Variants in RALGAPA2 observed in about 807,000 individuals in gnomAD.
RALGAPA2 encodes the protein Ral GTPase activating protein catalytic subunit alpha 2.
In RALGAPA2, 139 loss-of-function variants were observed where a neutral mutation model predicts 230.4. The ratio of observed to expected loss-of-function variants is 0.60; its 90% CI spans 0.53 to 0.69. RALGAPA2 has a LOEUF of 0.69. Among genes scored for constraint, RALGAPA2 ranks in the 30% least tolerant of loss-of-function variants. The pLI is 0.00. For synonymous variants in RALGAPA2, 847 were observed against 837.8 expected, an observed-to-expected ratio of 1.01 and a Z score of -0.19; for missense variants, 2,163 against 2,276.0, an observed-to-expected ratio of 0.95 and a Z score of 1.01.
chr20:20,676,364 G>T, intron 2 of RALGAPA2, 76 bp from the exon 3 acceptor site: 1 of 960,416 alleles, frequency 1.0e-6, no homozygotes, highest in Non-Finnish European at 1.6e-6. Context: ...CTAAAAGGCA[G>T]CTTAAAACTA....
chr20:20,502,318 T>A (rs1016278167), intron 35 of RALGAPA2, among the ~76,000 whole-genome samples: 2 of 151,998 alleles, frequency 1.3e-5, no homozygotes, highest in Non-Finnish European at 2.9e-5. Context: ...GTGAGGCCAA[T>A]CGGCCAATAT....
At chr20:20,489,943 G>A (rs992865073) in intron 36 of RALGAPA2, among the ~76,000 whole-genome samples, 1 of 152,216 alleles carries the variant, frequency 6.6e-6, no homozygotes, top group African/African-American at 2.4e-5. Flanking sequence ...CCAAAGGAGA[G>A]AAGATAAAGC....
chr20:20,555,255 A>G (rs955749741), intron 23 of RALGAPA2, among the ~76,000 whole-genome samples: 1 of 152,028 alleles, frequency 6.6e-6, no homozygotes, highest in African/African-American at 2.4e-5. Flanking sequence ...TTACTTCTAG[A>G]CTCTTAATTC....
intron 1 of RALGAPA2, among the ~76,000 whole-genome samples, chr20:20,706,321 T>C (rs1426873619): frequency 2.0e-5 from 3 of 152,174 alleles, no homozygotes; most frequent in South Asian, 4.1e-4. Context: ...ATTTACATTC[T>C]AGAGGTTATA....
At chr20:20,424,941 GA>G (rs973440017) in intron 37 of RALGAPA2, among the ~76,000 whole-genome samples, 19 of 152,010 alleles carry the variant, frequency 1.2e-4, no homozygotes, top group African/African-American at 4.6e-4. Context: ...GACTCTAAGA[GA>G]AAAAAATATT....
At chr20:20,561,611 T>C (rs1431518802) in intron 23 of RALGAPA2, among the ~76,000 whole-genome samples, 2 of 152,214 alleles carry the variant, frequency 1.3e-5, no homozygotes, top group African/African-American at 2.4e-5. Context: ...TACCCCCTTT[T>C]TGAAAACTCA....
In RALGAPA2 at chr20:20,526,127, G is replaced by A. The variant is rs569921542; in HGVS notation, c.3693+125C>T. ...AACCAGTCTAACTTAATCTTAAAACGAGTGACTTGTGGCAATTTAATAGTT... is the reference window on the plus strand; with the variant it reads ...AACCAGTCTAACTTAATCTTAAAACAAGTGACTTGTGGCAATTTAATAGTT... On this transcript the variant is annotated intron_variant, in intron 28 of 39. Coordinates refer to ENST00000202677, the MANE Select transcript of RALGAPA2 (RefSeq NM_020343.4). 110 of 758,382 alleles carry A rather than the reference G, an allele frequency of 1.5e-4. No homozygotes were observed. In the African/African-American group the frequency reaches 1.7e-3, roughly 12 times the overall value. The allele number at this position is 758,382 out of a possible 1,614,324, so 47.0% of individuals were successfully genotyped here. A position where few individuals can be genotyped will look rare whatever the true frequency, so the allele number is the denominator to read the frequency against.
At chr20:20,571,084 C>T (rs1385562507) in intron 23 of RALGAPA2, among the ~76,000 whole-genome samples, 1 of 152,196 alleles carries the variant, frequency 6.6e-6, no homozygotes, top group African/African-American at 2.4e-5. Flanking sequence ...ACTAAAACAA[C>T]AATTTTCAAA....
chr20:20,470,758 T>C (rs1277215822), intron 37 of RALGAPA2, among the ~76,000 whole-genome samples: 1 of 152,264 alleles, frequency 6.6e-6, no homozygotes, highest in Non-Finnish European at 1.5e-5. Context: ...TGCTATTTAA[T>C]GTTATTCTAA....
chr20:20,473,256 C>A (rs943057345), intron 36 of RALGAPA2, among the ~76,000 whole-genome samples: 1 of 152,222 alleles, frequency 6.6e-6, no homozygotes, highest in African/African-American at 2.4e-5. Context: ...TAAGTGCCTA[C>A]ATCATGTGAA....
chr20:20,487,083 GCT>G (rs139804464), intron 36 of RALGAPA2, among the ~76,000 whole-genome samples: 8,601 of 152,230 alleles, frequency 0.057, 296 homozygotes, highest in Admixed American at 0.084. Context: ...TTTGATGCCT[GCT>G]CTGTCTCTTA....
chr20:20,667,005 A>G (rs570163934), intron 3 of RALGAPA2, among the ~76,000 whole-genome samples: 1 of 152,358 alleles, frequency 6.6e-6, no homozygotes, highest in South Asian at 2.1e-4. Context: ...TCATAACTCT[A>G]GTTTTTCTTT....
chr20:20,551,967 A>G (rs1194681385), intron 23 of RALGAPA2, among the ~76,000 whole-genome samples: 1 of 152,194 alleles, frequency 6.6e-6, no homozygotes, highest in African/African-American at 2.4e-5. Flanking sequence ...TGGAAAATAA[A>G]AAAGGGCGAT....
chr20:20,638,262 C>T (rs1047903751), intron 7 of RALGAPA2, among the ~76,000 whole-genome samples: 2 of 152,322 alleles, frequency 1.3e-5, no homozygotes, highest in South Asian at 4.1e-4. Flanking sequence ...GTTGGTGGTT[C>T]TTAATGCTTG....
At chr20:20,542,985 G>T (rs1216781321) in intron 24 of RALGAPA2, among the ~76,000 whole-genome samples, 1 of 152,034 alleles carries the variant, frequency 6.6e-6, no homozygotes, top group East Asian at 1.9e-4. Context: ...CCTACAGAAA[G>T]GGAGAAAAAT....
At chr20:20,531,486 C>A (rs1025864565) in intron 27 of RALGAPA2, among the ~76,000 whole-genome samples, 1 of 152,220 alleles carries the variant, frequency 6.6e-6, no homozygotes, top group African/African-American at 2.4e-5. Context: ...CAGGAAGACT[C>A]GAGACACTCG....
At chr20:20,458,569 A>G (rs970477679) in intron 37 of RALGAPA2, among the ~76,000 whole-genome samples, 4 of 136,908 alleles carry the variant, frequency 2.9e-5, no homozygotes, top group African/African-American at 1.1e-4. Context: ...TATTATATAT[A>G]TAATATATAT....
chr20:20,649,121 A>C (rs1434962994), intron 4 of RALGAPA2, among the ~76,000 whole-genome samples: 13 of 152,204 alleles, frequency 8.5e-5, no homozygotes, highest in African/African-American at 2.9e-4. Flanking sequence ...CAGGGGCATT[A>C]GTTCCAGACA....
At chr20:20,662,958 G>A (rs2067830731) in intron 3 of RALGAPA2, among the ~76,000 whole-genome samples, 1 of 152,228 alleles carries the variant, frequency 6.6e-6, no homozygotes, top group South Asian at 2.1e-4. Flanking sequence ...TTGGGGACCT[G>A]TAAGAGGCTG....
Sources: allele counts gnomAD v4.1 joint callset (sites outside exome capture counted in the v4.1 genomes callset), GRCh38; gene constraint gnomAD v4.1.1; transcripts MANE v1.5; gene names NCBI Gene and HGNC (gene_info 2026-07-23, HGNC 2026-07-21).